The following POLE variants were observed in gnomAD, a reference collection of about 807,000 sequenced individuals.
The protein encoded by POLE is DNA polymerase epsilon catalytic subunit A.
In POLE, 188 loss-of-function variants were observed where a neutral mutation model predicts 279.2. The ratio of observed to expected loss-of-function variants is 0.67; its 90% CI spans 0.60 to 0.76. The LOEUF is 0.76. POLE is among the 30% of genes least tolerant of loss of function. The probability of loss-of-function intolerance (pLI) is 0.00; values close to 1 mark genes in which losing one functional copy is unlikely to be tolerated. For missense variants in POLE, 2,703 were observed against 3,016.7 expected (o/e 0.90, Z 2.44); for synonymous variants, 1,214 against 1,172.5 (o/e 1.04, Z -0.72).
rs57257940 is a variant in POLE at position 132,644,323 on chromosome 12, CTT to C, written c.4150-348_4150-347del. On this transcript the variant is annotated intron_variant, in intron 32 of 48. Coordinates refer to ENST00000320574, the MANE Select transcript of POLE (RefSeq NM_006231.4). ...ACAAGGAACACACCACCACGGATGG[CTT>C]TTTTTTTTTTTTTTTTTTTTTGTAG... is the stretch of plus-strand genomic sequence containing the variant. Among the ~76,000 whole-genome samples, 1,004 of 107,620 alleles carry C rather than the reference CTT, an allele frequency of 9.3e-3. 7 individuals carry two copies. Among genetic ancestry groups the C allele is most frequent in the African/African-American group, 0.034 (934 of 27,538 alleles). The allele number at this position is 107,620 out of a possible 152,430, so 70.6% of individuals were successfully genotyped here. A position where few individuals can be genotyped will look rare whatever the true frequency, so the allele number is the denominator to read the frequency against.
At position 132,634,417 on chromosome 12, in the gene POLE, C is replaced by T. The variant is rs373381781; in HGVS notation, c.5812-39G>A. The stretch of plus-strand genomic sequence containing the variant: ...GACAACGCGGCTGTGTTTGCACCAT[C>T]GCGGCCTGGTAGAGGGGTAGGATGC... On this transcript the variant is annotated intron_variant, in intron 42 of 48. Coordinates refer to ENST00000320574, the MANE Select transcript of POLE (RefSeq NM_006231.4). The surrounding 1 kb of genome is among the most constrained non-coding windows in gnomAD (Gnocchi z 4.0). 2.2e-5 allele frequency: 35 copies of T among 1,584,644 alleles called. No individual in the cohort carries two copies. In the South Asian group the frequency reaches 2.4e-4, roughly 11 times the overall value.
intron 1 of POLE, among the ~76,000 whole-genome samples, chr12:132,683,662 A>G (rs926803121): frequency 6.6e-5 from 10 of 152,242 alleles, no homozygotes; most frequent in African/African-American, 2.4e-4. Context: ...ATCTTTATCA[A>G]AATCAAGAGT....
At chr12:132,625,878 C>T (rs775444755) in intron 46 of POLE, 108 bp from the exon 47 acceptor site, 270 of 1,463,480 alleles carry the variant, frequency 1.8e-4, no homozygotes, top group Non-Finnish European at 2.4e-4. Context: ...TGGTGACGGG[C>T]GAGTCTCCTG....
At chr12:132,659,642 A>G (rs1022477716) in intron 25 of POLE, 133 bp from the exon 26 acceptor site, 18 of 661,010 alleles carry the variant, frequency 2.7e-5, no homozygotes, top group Middle Eastern at 6.1e-4. Flanking sequence ...AGAGCTCTCT[A>G]ATATGCCTGT....
chr12:132,634,435 T>C lies in POLE; in HGVS notation c.5812-57A>G, dbSNP rs976722316. On this transcript the variant is annotated intron_variant, in intron 42 of 48. Coordinates refer to ENST00000320574, the MANE Select transcript of POLE (RefSeq NM_006231.4). The surrounding 1 kb of genome is among the most constrained non-coding windows in gnomAD (Gnocchi z 4.0). ...GCACCATCGCGGCCTGGTAGAGGGG[T>C]AGGATGCCACAGCGAAGGCTCCTCC... 3.3e-5 allele frequency: 50 copies of C among 1,537,350 alleles called. No homozygotes were observed. Among genetic ancestry groups the C allele is most frequent in the Non-Finnish European group, 4.4e-5 (50 of 1,125,132 alleles).
intron 23 of POLE, among the ~76,000 whole-genome samples, chr12:132,662,054 A>C (rs1166999091): frequency 6.6e-6 from 1 of 152,248 alleles, no homozygotes; most frequent in African/African-American, 2.4e-5. Flanking sequence ...GGTGCTGGAC[A>C]CACACACTAT....
chr12:132,638,887 T>C, intron 40 of POLE: 1 of 537,988 alleles, frequency 1.9e-6, no homozygotes, highest in Non-Finnish European at 3.3e-6. Flanking sequence ...TAGCATGACT[T>C]TGTGCAGGAA....
chr12:132,638,326 G>C, intron 40 of POLE, 187 bp from the exon 41 acceptor site: 1 of 414,946 alleles, frequency 2.4e-6, no homozygotes, highest in Non-Finnish European at 4.1e-6. Flanking sequence ...ACAAACAAAG[G>C]CAAAAGATAA....
chr12:132,649,402 C>T lies in POLE; in HGVS notation c.3909G>A (p.Arg1303=), dbSNP rs1233392878. The change falls in exon 31 of 49, where the codon AGG becomes AGA. Residue 1303 remains arginine, a synonymous_variant. Transcript: ENST00000320574. ...QRLESAEGVL[R]PGAIRDGPAT... ...CAGGACCATCCCGGATGGCCCCGGGCCTGAGCACACCCTCTGCCGACTCCA... is the reference window on the plus strand; with the variant it reads ...CAGGACCATCCCGGATGGCCCCGGGTCTGAGCACACCCTCTGCCGACTCCA... The T allele has an allele frequency of 6.2e-7, 1 of 1,613,298 alleles. No homozygotes were observed. Among genetic ancestry groups the T allele is most frequent in the East Asian group, 2.2e-5 (1 of 44,872 alleles).
chr12:132,665,147 C>T (rs1341313387), intron 21 of POLE, among the ~76,000 whole-genome samples, 155 bp downstream of exon 21: 1 of 152,140 alleles, frequency 6.6e-6, no homozygotes, highest in Non-Finnish European at 1.5e-5. Context: ...TCTCTTCAAC[C>T]TCCCAGCCCC....
Position 132,625,698 on chromosome 12 carries a change from T to C in POLE, c.6604A>G (p.Thr2202Ala). The C allele has an allele frequency of 1.9e-6, 3 of 1,613,720 alleles. No individual in the cohort carries two copies. The highest frequency in any genetic ancestry group is 2.5e-6 in the Non-Finnish European group (3 of 1,180,010). Residue 2202 changes from threonine to alanine, a missense_variant, in exon 47 of 49, where the codon ACG becomes GCG. Transcript: ENST00000320574. ...TTCTTCTGTAGAACTTCCACCAGCG[T>C]CATCTCGATGGCAGAGGAGTCGTAG... ...APYDSSAIEMTLVEVLQKKLM... is the reference protein window; with the variant it reads ...APYDSSAIEMALVEVLQKKLM...
At position 132,625,842 on chromosome 12, in the gene POLE, G is replaced by A. The variant is rs5745073; in HGVS notation, c.6532-72C>T. On this transcript the variant is annotated intron_variant, in intron 46 of 48. Transcript: ENST00000320574. The stretch of plus-strand genomic sequence containing the variant: ...CACAGTGCCATGGGCAGGATCTCAG[G>A]AGAGGAAGGGGCTGTGAGAAGCGCC... The A allele has an allele frequency of 0.33, 510,669 of 1,563,522 alleles. 88,129 individuals are homozygous for A. Among genetic ancestry groups the A allele is most frequent in the East Asian group, 0.69 (30,819 of 44,454 alleles).
rs766922669 is a variant in POLE, at chr12:132,638,151, G to C, written c.5553-12C>G. ...ACTCAGCGATGAGCCTGTGGAGCAA[G>C]TTGAGAGTCCGTGGTGGAGACGCCA... On this transcript the variant is annotated splice_polypyrimidine_tract_variant and intron_variant, in intron 40 of 48. Coordinates refer to ENST00000320574, the MANE Select transcript of POLE (RefSeq NM_006231.4). The C allele has an allele frequency of 1.9e-5, 31 of 1,613,184 alleles. No homozygotes were observed. Among genetic ancestry groups the C allele is most frequent in the Admixed American group, 6.7e-5 (4 of 59,934 alleles).
Position 132,664,348 on chromosome 12 carries a change from A to G in POLE, c.2561+22T>C. ...GCCCCCAGGACCTGCTCCCAGCCCC[A>G]CGGCTCCCCTTCTGCACTCACCCAA... On this transcript the variant is annotated intron_variant, in intron 22 of 48. Transcript: ENST00000320574. This position sits in a 1 kb window ranked among gnomAD's most constrained non-coding sequence, Gnocchi z 5.3. The G allele has an allele frequency of 6.2e-7, 1 of 1,603,830 alleles. No homozygotes were observed. Among genetic ancestry groups the G allele is most frequent in the Non-Finnish European group, 8.5e-7 (1 of 1,174,124 alleles).
rs1014542009 is a variant in POLE at position 132,680,311 on chromosome 12, T to C, written c.286-89A>G. 105 of 1,251,962 alleles carry C rather than the reference T, an allele frequency of 8.4e-5. 1 individual carries two copies. The highest frequency in any genetic ancestry group is 4.7e-4 in the South Asian group (39 of 83,412). The allele number at this position is 1,251,962 out of a possible 1,614,324, so 77.6% of individuals were successfully genotyped here. On this transcript the variant is annotated intron_variant, in intron 3 of 48. Coordinates refer to ENST00000320574, the MANE Select transcript of POLE (RefSeq NM_006231.4). ...ACACATTGCTTGCTCCTATATCCCA[T>C]GAACAGCCTAGGGCCAGGGTAGCCT...
intron 45 of POLE, among the ~76,000 whole-genome samples, chr12:132,630,983 A>C (rs1335366427): frequency 1.3e-5 from 2 of 152,202 alleles, no homozygotes; most frequent in African/African-American, 4.8e-5. Flanking sequence ...ATTTATGTTC[A>C]CACAAAAACC....
At chr12:132,672,915 A>C in intron 14 of POLE, 76 bp from the exon 15 acceptor site, 1 of 1,323,044 alleles carries the variant, frequency 7.6e-7, no homozygotes, top group Non-Finnish European at 1.1e-6. Flanking sequence ...CAGGAACCTA[A>C]GCTGAACTTC....
intron 31 of POLE, 111 bp from the exon 32 acceptor site, chr12:132,649,183 C>T (rs752445401): frequency 4.2e-5 from 63 of 1,501,618 alleles, no homozygotes; most frequent in Non-Finnish European, 5.2e-5. Flanking sequence ...GGCCTCCCTA[C>T]GATGGGCAGG....
At chr12:132,638,209 T>G in intron 40 of POLE, 70 bp from the exon 41 acceptor site, 1 of 1,489,388 alleles carries the variant, frequency 6.7e-7, no homozygotes, top group Non-Finnish European at 9.1e-7. Flanking sequence ...ACCCAGAAAA[T>G]CCAAGAGGGA....
Sources: gnomAD v4.1 joint callset for allele counts (sites outside exome capture counted in the v4.1 genomes callset) on GRCh38, gnomAD v4.1.1 for gene constraint, Gnocchi (gnomAD v3.1) non-coding constraint, MANE v1.5 for transcripts, NCBI Gene and HGNC (gene_info 2026-07-23, HGNC 2026-07-21) for gene names.